The following PELI1 variants were observed in gnomAD, a reference collection of about 807,000 sequenced individuals.
PELI1 encodes E3 ubiquitin-protein ligase pellino homolog 1.
In PELI1, 15 loss-of-function variants were observed where a neutral mutation model predicts 41.3. The observed-to-expected ratio is 0.36, with a 90% CI of 0.24 to 0.56. The LOEUF is 0.56. PELI1 is among the 20% of genes least tolerant of loss of function. The pLI, the probability that PELI1 is intolerant of heterozygous loss-of-function variation, is 0.82. For synonymous variants in PELI1, 178 were observed against 180.1 expected, an observed-to-expected ratio of 0.99 and a Z score of 0.09; for missense variants, 403 against 525.5, an observed-to-expected ratio of 0.77 and a Z score of 2.28.
At chr2:64,126,486 C>T (rs1681390343) in intron 1 of PELI1, among the ~76,000 whole-genome samples, 1 of 152,110 alleles carries the variant, frequency 6.6e-6, no homozygotes, top group Non-Finnish European at 1.5e-5. Context: ...TAATTTAGTG[C>T]ATCTAGAGTC....
intron 6 of PELI1, 72 bp from the exon 7 acceptor site, chr2:64,095,340 A>G (rs1680198220): frequency 1.1e-6 from 1 of 923,802 alleles, no homozygotes; most frequent in Non-Finnish European, 1.7e-6. Flanking sequence ...TTTTGGTTTT[A>G]AGTACTCCTT....
chr2:64,135,436 A>C (rs1016693672), intron 1 of PELI1, among the ~76,000 whole-genome samples: 2 of 152,196 alleles, frequency 1.3e-5, no homozygotes, highest in African/African-American at 2.4e-5. Context: ...AAATAGGAAA[A>C]GTATTGTACT....
At chr2:64,128,129 C>G (rs980890594) in intron 1 of PELI1, among the ~76,000 whole-genome samples, 8 of 152,086 alleles carry the variant, frequency 5.3e-5, no homozygotes, top group Non-Finnish European at 1.2e-4. Context: ...AAGGTGTGTA[C>G]AGGGGTAAGG....
intron 1 of PELI1, among the ~76,000 whole-genome samples, chr2:64,140,363 A>AGG: frequency 6.6e-6 from 1 of 151,326 alleles, no homozygotes; most frequent in East Asian, 2.0e-4. Context: ...AAGGTATTAC[A>AGG]GGGGCGATAC....
At chr2:64,098,707 A>G (rs1319761889) in intron 4 of PELI1, among the ~76,000 whole-genome samples, 1 of 152,212 alleles carries the variant, frequency 6.6e-6, no homozygotes, top group Non-Finnish European at 1.5e-5. Flanking sequence ...TGGAGTTGGA[A>G]TATCTGATGA....
At chr2:64,126,917 G>A (rs1257573442) in intron 1 of PELI1, among the ~76,000 whole-genome samples, 1 of 152,154 alleles carries the variant, frequency 6.6e-6, no homozygotes, top group Non-Finnish European at 1.5e-5. Context: ...GTTCCCTGGA[G>A]TTTGGTTAGG....
At position 64,094,413 on chromosome 2, in the gene PELI1, G is replaced by T. The variant is rs1281899950; in HGVS notation, c.*289C>A. 6.8e-6 allele frequency: 2 copies of T among 291,974 alleles called. No individual in the cohort carries two copies. Among genetic ancestry groups the T allele is most frequent in the African/African-American group, 4.4e-5 (2 of 45,750 alleles). The allele number at this position is 291,974 out of a possible 1,614,324, so 18.1% of individuals were successfully genotyped here. A position where few individuals can be genotyped will look rare whatever the true frequency, so the allele number is the denominator to read the frequency against. Reference sequence around the variant, plus strand: ...AACAATTTCAGCACTGAGGATAGGTGATTCAAAAACACTAAAAGGAAGGCA... The same window carrying T: ...AACAATTTCAGCACTGAGGATAGGTTATTCAAAAACACTAAAAGGAAGGCA... On this transcript the variant is annotated 3_prime_UTR_variant, in exon 7 of 7. Coordinates refer to ENST00000358912, the MANE Select transcript of PELI1 (RefSeq NM_020651.4).
At chr2:64,102,902 G>A (rs550698014) in intron 3 of PELI1, among the ~76,000 whole-genome samples, 69 of 149,540 alleles carry the variant, frequency 4.6e-4, no homozygotes, top group South Asian at 1.9e-3. Context: ...CAGTACAGTG[G>A]CATGATCTCA....
intron 1 of PELI1, among the ~76,000 whole-genome samples, chr2:64,137,665 G>A (rs1681762012): frequency 6.6e-6 from 1 of 151,896 alleles, no homozygotes; most frequent in Admixed American, 6.6e-5. Flanking sequence ...AACAATAACT[G>A]CCTTCTCAGA....
At chr2:64,111,968 A>C (rs1257509687) in intron 1 of PELI1, among the ~76,000 whole-genome samples, 1 of 152,162 alleles carries the variant, frequency 6.6e-6, no homozygotes, top group Non-Finnish European at 1.5e-5. Flanking sequence ...ATAATTAAAA[A>C]TTTAATAACA....
At chr2:64,130,337 G>C (rs1462834464) in intron 1 of PELI1, among the ~76,000 whole-genome samples, 4 of 152,050 alleles carry the variant, frequency 2.6e-5, no homozygotes, top group African/African-American at 9.7e-5. Context: ...AAATGAAACT[G>C]AATATGTAAT....
At chr2:64,123,096 AACTCCTACCTTGT>A (rs1681276435) in intron 1 of PELI1, among the ~76,000 whole-genome samples, 1 of 152,234 alleles carries the variant, frequency 6.6e-6, no homozygotes, top group Non-Finnish European at 1.5e-5. Flanking sequence ...GCCAATAAGT[AACTCCTACCTTGT>A]ACTGTGTATT....
intron 1 of PELI1, among the ~76,000 whole-genome samples, chr2:64,134,141 T>C (rs1045707777): frequency 2.6e-5 from 4 of 152,122 alleles, no homozygotes; most frequent in Non-Finnish European, 4.4e-5. Flanking sequence ...CAGCAAATCC[T>C]TTTGGAAGCC....
chr2:64,103,845 C>T lies in PELI1; in HGVS notation c.201+856G>A, dbSNP rs117328042. ...TCCTAGGGCTACTTAGCTAAAGATA[C>T]AGGTACTTCCAGGAGTCAAAGAACT... On this transcript the variant is annotated intron_variant, in intron 3 of 6. Transcript: ENST00000358912. 4.9e-4 allele frequency among the ~76,000 whole-genome samples: 74 copies of T among 152,316 alleles called. 1 individual carries two copies. In the East Asian group the frequency reaches 0.013, roughly 27 times the overall value.
chr2:64,107,197 G>A (rs1262061922), intron 2 of PELI1, among the ~76,000 whole-genome samples: 1 of 152,162 alleles, frequency 6.6e-6, no homozygotes, highest in African/African-American at 2.4e-5. Context: ...CCACCTGTAA[G>A]CTGGGATTAC....
chr2:64,100,318 C>G, intron 4 of PELI1, 80 bp downstream of exon 4: 1 of 749,812 alleles, frequency 1.3e-6, no homozygotes, highest in Non-Finnish European at 2.4e-6. Context: ...TGATAATCCT[C>G]TGACCTCAGC....
Position 64,108,319 on chromosome 2 carries a change from C to A in PELI1, c.-9G>T. 6.3e-7 allele frequency: 1 copy of A among 1,585,058 alleles called. No homozygotes were observed. The highest frequency in any genetic ancestry group is 8.7e-7 in the Non-Finnish European group (1 of 1,153,776). ...TGATCAGGAGAAAACATGAGCTTGG[C>A]TGTCTTTCTCAAATCTTTGTTCACT... On this transcript the variant is annotated 5_prime_UTR_variant, in exon 2 of 7. Coordinates refer to ENST00000358912, the MANE Select transcript of PELI1 (RefSeq NM_020651.4).
chr2:64,119,081 C>T (rs1286739935), intron 1 of PELI1, among the ~76,000 whole-genome samples: 1 of 151,698 alleles, frequency 6.6e-6, no homozygotes, highest in Non-Finnish European at 1.5e-5. Flanking sequence ...AGGCAATATA[C>T]ACCTGTAGTG....
intron 4 of PELI1, among the ~76,000 whole-genome samples, chr2:64,099,404 T>G (rs1680351221): frequency 6.6e-6 from 1 of 152,198 alleles, no homozygotes; most frequent in Admixed American, 6.6e-5. Flanking sequence ...TAAAGCTTTG[T>G]GTTCGGTTTT....
Sources: gnomAD v4.1 joint callset for allele counts (sites outside exome capture counted in the v4.1 genomes callset) on GRCh38, gnomAD v4.1.1 for gene constraint, MANE v1.5 for transcripts, NCBI Gene and HGNC (gene_info 2026-07-23, HGNC 2026-07-21) for gene names.